Variants in DOCK7 observed in about 807,000 individuals in gnomAD.
The protein encoded by DOCK7 is dedicator of cytokinesis 7.
DOCK7 carries 138 observed loss-of-function variants against 271.0 expected under a neutral mutation model. That is an observed-to-expected ratio of 0.51 (90% CI 0.44 to 0.59). The LOEUF (loss-of-function observed/expected upper bound fraction) is 0.59, where lower values mean the gene tolerates loss of function less well. Among genes scored for constraint, DOCK7 ranks in the 20% least tolerant of loss-of-function variants. The pLI, the probability that DOCK7 is intolerant of heterozygous loss-of-function variation, is 0.00. For missense variants in DOCK7, 2,066 were observed against 2,592.4 expected, an observed-to-expected ratio of 0.80 and a Z score of 4.41; for synonymous variants, 823 against 876.1, an observed-to-expected ratio of 0.94 and a Z score of 1.07.
chr1:62,520,974 C>T (rs142534169), intron 31 of DOCK7, among the ~76,000 whole-genome samples: 2,601 of 152,064 alleles, frequency 0.017, 72 homozygotes, highest in African/African-American at 0.059. Flanking sequence ...AAGCTGGAAA[C>T]CATCATTCTC....
chr1:62,684,124 G>T (rs746306566), intron 1 of DOCK7, among the ~76,000 whole-genome samples: 2 of 151,610 alleles, frequency 1.3e-5, no homozygotes, highest in Non-Finnish European at 2.9e-5. Flanking sequence ...CAGGAGAATC[G>T]CCTGAACCCG....
chr1:62,549,736 T>C (rs1433301220), intron 22 of DOCK7, among the ~76,000 whole-genome samples: 3 of 152,154 alleles, frequency 2.0e-5, no homozygotes, highest in African/African-American at 4.8e-5. Context: ...AATCACCCTG[T>C]TGTGCTATCA....
intron 48 of DOCK7, among the ~76,000 whole-genome samples, chr1:62,469,175 G>A (rs1168003): frequency 0.58 from 87,717 of 152,018 alleles, 26,933 homozygotes; most frequent in East Asian, 0.76. Flanking sequence ...AAACTATACT[G>A]TAAGGCCATA....
At chr1:62,595,677 T>A (rs968750687) in intron 14 of DOCK7, among the ~76,000 whole-genome samples, 3 of 152,136 alleles carry the variant, frequency 2.0e-5, no homozygotes, top group African/African-American at 4.8e-5. Context: ...TCCTTTAATA[T>A]CAGCACTTTG....
chr1:62,631,207 C>A, intron 11 of DOCK7, 33 bp downstream of exon 11: 2 of 1,524,168 alleles, frequency 1.3e-6, no homozygotes, highest in Admixed American at 2.2e-5. Context: ...AAAAAGTAAA[C>A]ATTTAGAAAT....
At chr1:62,458,131 A>G (rs766675366) in intron 48 of DOCK7, 50 of 180,798 alleles carry the variant, frequency 2.8e-4, no homozygotes, top group Non-Finnish European at 1.4e-4. Context: ...AGCCAGGGCA[A>G]CAGAGTGGGA....
chr1:62,517,259 G>A (rs2149347419), intron 31 of DOCK7, among the ~76,000 whole-genome samples: 1 of 152,068 alleles, frequency 6.6e-6, no homozygotes, highest in South Asian at 2.1e-4. Context: ...TTTTAGGTAT[G>A]TCCCACCATG....
rs559400104 is a variant in DOCK7, at chr1:62,454,834, A to G, written c.*580T>C. 3.0e-5 allele frequency: 6 copies of G among 197,010 alleles called. No individual in the cohort carries two copies. Among genetic ancestry groups the G allele is most frequent in the African/African-American group, 1.1e-4 (5 of 43,852 alleles). The allele number at this position is 197,010 out of a possible 1,614,324, so 12.2% of individuals were successfully genotyped here. A position where few individuals can be genotyped will look rare whatever the true frequency, so the allele number is the denominator to read the frequency against. ...TTACTAAGTAAAGTTCTGCAATTCTAAATTCCTGTTTTGGGTATGTAAATG... is the reference window on the plus strand; with the variant it reads ...TTACTAAGTAAAGTTCTGCAATTCTGAATTCCTGTTTTGGGTATGTAAATG... On this transcript the variant is annotated 3_prime_UTR_variant, in exon 50 of 50. Transcript: ENST00000635253.
At chr1:62,586,485 A>G (rs1647543779) in intron 15 of DOCK7, 22 bp downstream of exon 15, 16 of 1,531,432 alleles carry the variant, frequency 1.0e-5, no homozygotes, top group Non-Finnish European at 1.3e-5. Flanking sequence ...AAAAATTAGA[A>G]AAGTAAAAGA....
chr1:62,521,122 G>A (rs758673080), intron 31 of DOCK7, among the ~76,000 whole-genome samples: 14 of 152,192 alleles, frequency 9.2e-5, no homozygotes, highest in Non-Finnish European at 1.6e-4. Flanking sequence ...GGGTAGGGGA[G>A]GGACAGCATT....
intron 14 of DOCK7, among the ~76,000 whole-genome samples, chr1:62,588,375 G>A (rs1647880645): frequency 1.3e-5 from 2 of 152,178 alleles, no homozygotes; most frequent in Non-Finnish European, 2.9e-5. Context: ...GCATGCAAAA[G>A]CCCTATAGGA....
chr1:62,664,782 TAAAAAAA>T (rs10710205), intron 1 of DOCK7, among the ~76,000 whole-genome samples: 1 of 137,232 alleles, frequency 7.3e-6, no homozygotes, highest in Non-Finnish European at 1.6e-5. Flanking sequence ...TCTACTAGTT[TAAAAAAA>T]AAAAAAAAAA....
Position 62,688,298 on chromosome 1 carries a change from T to G in DOCK7, c.-34A>C, listed in dbSNP as rs756804121. 2.0e-5 allele frequency: 25 copies of G among 1,224,426 alleles called. No homozygotes were observed. Among genetic ancestry groups the G allele is most frequent in the African/African-American group, 8.0e-5 (5 of 62,460 alleles). 75.8% of individuals were successfully genotyped at this position (1,224,426 alleles called of 1,614,324 possible). Reference sequence around the variant, plus strand: ...CGGCGACGGCGACGGCGGCGGCGGCTGCGGCGGGCCGGGTGCGGACCGGCG... The same window carrying G: ...CGGCGACGGCGACGGCGGCGGCGGCGGCGGCGGGCCGGGTGCGGACCGGCG... On this transcript the variant is annotated 5_prime_UTR_variant, in exon 1 of 50. Transcript: ENST00000635253.
chr1:62,669,264 T>C (rs868229152), intron 1 of DOCK7, among the ~76,000 whole-genome samples: 4 of 152,340 alleles, frequency 2.6e-5, no homozygotes, highest in Admixed American at 6.5e-5. Flanking sequence ...ATTTCAGTAG[T>C]GGGAAAGCCC....
rs76331331 is a variant in DOCK7, at chr1:62,551,207, T to C, written c.2766+1525A>G. Among the ~76,000 whole-genome samples, 22 of 152,096 alleles carry C rather than the reference T, an allele frequency of 1.4e-4. No individual in the cohort carries two copies. In the East Asian group the frequency reaches 4.1e-3, roughly 28 times the overall value. ...ATAACAGAGAACAAAATACATGAAATTGAGATTGTGAAAATTAAAGTTATT... is the reference window on the plus strand; with the variant it reads ...ATAACAGAGAACAAAATACATGAAACTGAGATTGTGAAAATTAAAGTTATT... On this transcript the variant is annotated intron_variant, in intron 22 of 49. Coordinates refer to ENST00000635253, the MANE Select transcript of DOCK7 (RefSeq NM_001367561.1).
At chr1:62,651,397 T>C (rs1657344538) in intron 4 of DOCK7, among the ~76,000 whole-genome samples, 1 of 145,224 alleles carries the variant, frequency 6.9e-6, no homozygotes. Context: ...CATGTATACA[T>C]ATGTAACAAA....
At chr1:62,607,140 A>G (rs1361486556) in intron 14 of DOCK7, among the ~76,000 whole-genome samples, 1 of 152,142 alleles carries the variant, frequency 6.6e-6, no homozygotes, top group Non-Finnish European at 1.5e-5. Context: ...CAGGAGGCGG[A>G]GGTTGCAGTG....
chr1:62,654,990 T>G (rs1657821330), intron 2 of DOCK7, among the ~76,000 whole-genome samples: 2 of 152,200 alleles, frequency 1.3e-5, no homozygotes, highest in Non-Finnish European at 2.9e-5. Context: ...AAAACCTTAT[T>G]TTAGTCCAGT....
At chr1:62,586,142 G>A (rs1647482315) in intron 15 of DOCK7, among the ~76,000 whole-genome samples, 1 of 152,114 alleles carries the variant, frequency 6.6e-6, no homozygotes, top group Non-Finnish European at 1.5e-5. Context: ...GGGAGTTGAG[G>A]AGAATAAGAA....
Sources: allele counts gnomAD v4.1 joint callset (sites outside exome capture counted in the v4.1 genomes callset), GRCh38; gene constraint gnomAD v4.1.1; transcripts MANE v1.5; gene names NCBI Gene and HGNC (gene_info 2026-07-23, HGNC 2026-07-21).